Variants in ITIH2 observed in about 807,000 individuals in gnomAD.
The protein encoded by ITIH2 is inter-alpha-trypsin inhibitor heavy chain 2.
A neutral mutation model predicts 104.4 loss-of-function variants in ITIH2; 103 were observed. The observed-to-expected ratio is 0.99, with a 90% confidence interval of 0.84 to 1.16. ITIH2 has a LOEUF of 1.16. Ranked by LOEUF, ITIH2 falls within the 50% of genes most tolerant of loss-of-function variation. The pLI, the probability that ITIH2 is intolerant of heterozygous loss-of-function variation, is 0.00. For synonymous variants in ITIH2, 436 were observed against 435.4 expected, an observed-to-expected ratio of 1.00 and a Z score of -0.02; for missense variants, 1,108 against 1,162.4, an observed-to-expected ratio of 0.95 and a Z score of 0.68.
At chr10:7,737,459 A>G (rs982088126) in intron 15 of ITIH2, among the ~76,000 whole-genome samples, 2 of 140,138 alleles carry the variant, frequency 1.4e-5, no homozygotes, top group Admixed American at 7.5e-5. Context: ...CAGATAACGT[A>G]TAATTATAAT....
rs1835161845 is a variant in ITIH2, at chr10:7,744,921, C to A, written c.2539C>A (p.Pro847Thr). Residue 847 changes from proline (P) to threonine (T), a missense_variant, in exon 19 of 21, where the codon CCC (proline) becomes ACC (threonine). Coordinates refer to ENST00000358415, the MANE Select transcript of ITIH2 (RefSeq NM_002216.3). The part of the protein sequence containing the change: ...VNVDFLGIYI[P>T]PTNKFSPKAH... ...TGTTGACTTTCTGGGAATCTACATA[C>A]CCCCTACAAACAAGTTCTCACCTAA... 1 of 1,614,070 alleles carries A rather than the reference C, an allele frequency of 6.2e-7. No homozygotes were observed. Among genetic ancestry groups the A allele is most frequent in the Non-Finnish European group, 8.5e-7 (1 of 1,179,942 alleles).
chr10:7,721,828 G>T (rs754823877), intron 8 of ITIH2, 51 bp downstream of exon 8: 21 of 1,598,656 alleles, frequency 1.3e-5, no homozygotes, highest in Non-Finnish European at 1.7e-5. Context: ...CCAAAGAGCT[G>T]CTCCTTTTTG....
intron 14 of ITIH2, among the ~76,000 whole-genome samples, chr10:7,734,420 A>T (rs1275040813): frequency 6.6e-6 from 1 of 152,210 alleles, no homozygotes; most frequent in East Asian, 1.9e-4. Context: ...TGGGAGCCAG[A>T]TGCATGGCTC....
chr10:7,711,569 G>T (rs1482623022), intron 4 of ITIH2, among the ~76,000 whole-genome samples: 1 of 152,118 alleles, frequency 6.6e-6, no homozygotes, highest in East Asian at 1.9e-4. Flanking sequence ...TGGCCTTTGA[G>T]ACTTAGTTCT....
intron 5 of ITIH2, 115 bp from the exon 6 acceptor site, chr10:7,717,511 G>A: frequency 2.3e-6 from 2 of 877,154 alleles, no homozygotes; most frequent in East Asian, 2.4e-5. Flanking sequence ...TCACTTTCAT[G>A]AACTACTGAG....
At chr10:7,717,527 C>A (rs188273202) in intron 5 of ITIH2, 99 bp from the exon 6 acceptor site, 1 of 1,083,874 alleles carries the variant, frequency 9.2e-7, no homozygotes, top group Non-Finnish European at 1.4e-6. Context: ...CTGAGCAGAA[C>A]GGACGGTCCA....
chr10:7,748,788 C>T (rs142475675), intron 20 of ITIH2, among the ~76,000 whole-genome samples: 2,299 of 151,762 alleles, frequency 0.015, 54 homozygotes, highest in African/African-American at 0.053. Flanking sequence ...TCAAGTGGTC[C>T]GCCCACCTCA....
intron 17 of ITIH2, among the ~76,000 whole-genome samples, chr10:7,743,710 G>A (rs1835148255): frequency 2.6e-5 from 4 of 152,210 alleles, no homozygotes; most frequent in African/African-American, 9.6e-5. Flanking sequence ...GAACCCGGGA[G>A]GTGGAGGTTG....
chr10:7,739,870 C>G (rs1835107468), intron 16 of ITIH2, among the ~76,000 whole-genome samples: 1 of 152,078 alleles, frequency 6.6e-6, no homozygotes, highest in South Asian at 2.1e-4. Context: ...GCCTGGGTGA[C>G]AGAGGGAGAC....
intron 15 of ITIH2, 72 bp from the exon 16 acceptor site, chr10:7,738,549 T>G: frequency 1.3e-6 from 2 of 1,562,166 alleles, no homozygotes; most frequent in East Asian, 4.5e-5. Flanking sequence ...ATAAAACAGA[T>G]TCTTGACATG....
intron 19 of ITIH2, among the ~76,000 whole-genome samples, chr10:7,745,171 T>A (rs552418434): frequency 6.6e-6 from 1 of 152,262 alleles, no homozygotes; most frequent in South Asian, 2.1e-4. Flanking sequence ...GATTTCAGCA[T>A]CACAAACTGG....
At chr10:7,744,692 T>C (rs1439690386) in intron 18 of ITIH2, 99 bp from the exon 19 acceptor site, 14 of 966,302 alleles carry the variant, frequency 1.4e-5, no homozygotes, top group Non-Finnish European at 2.0e-5. Flanking sequence ...AGCGGAATTG[T>C]CTGGGAGGAG....
intron 11 of ITIH2, 80 bp from the exon 12 acceptor site, chr10:7,729,871 TA>T (rs1834984978): frequency 3.2e-6 from 3 of 947,530 alleles, no homozygotes; most frequent in Non-Finnish European, 4.7e-6. Context: ...CACACTTTAC[TA>T]AACTGCCCTC....
chr10:7,705,700 TAAA>T (rs34935493), intron 2 of ITIH2, among the ~76,000 whole-genome samples: 9 of 131,826 alleles, frequency 6.8e-5, no homozygotes, highest in African/African-American at 1.4e-4. Context: ...CCACTCCATT[TAAA>T]AAAAAAAAAA....
At chr10:7,733,708 C>A (rs561618715) in intron 14 of ITIH2, among the ~76,000 whole-genome samples, 1 of 152,244 alleles carries the variant, frequency 6.6e-6, no homozygotes, top group Admixed American at 6.5e-5. Context: ...GGATGGTTGA[C>A]CACCTGCATC....
intron 4 of ITIH2, among the ~76,000 whole-genome samples, chr10:7,709,861 CT>C (rs986695371): frequency 7.4e-5 from 11 of 149,194 alleles, no homozygotes; most frequent in African/African-American, 7.3e-5. Context: ...AGCTTGGCTT[CT>C]TTTTTTTTTG....
chr10:7,724,221 T>C (rs1834931677), intron 9 of ITIH2, among the ~76,000 whole-genome samples: 1 of 152,100 alleles, frequency 6.6e-6, no homozygotes, highest in Non-Finnish European at 1.5e-5. Flanking sequence ...ATAGGGCAAC[T>C]ATTTTTGACC....
At chr10:7,726,555 C>A (rs150469827) in intron 9 of ITIH2, among the ~76,000 whole-genome samples, 2 of 151,874 alleles carry the variant, frequency 1.3e-5, no homozygotes, top group African/African-American at 4.8e-5. Flanking sequence ...AATCATCACA[C>A]GTAAGCTAGA....
chr10:7,740,002 A>C (rs575222309), intron 16 of ITIH2, among the ~76,000 whole-genome samples: 279 of 152,282 alleles, frequency 1.8e-3, no homozygotes, highest in Admixed American at 4.6e-3. Context: ...CCTGGCCAAC[A>C]GGGGGAAACC....
Sources: gnomAD v4.1 joint callset for allele counts (sites outside exome capture counted in the v4.1 genomes callset) on GRCh38, gnomAD v4.1.1 for gene constraint, MANE v1.5 for transcripts, NCBI Gene and HGNC (gene_info 2026-07-23, HGNC 2026-07-21) for gene names.